Variants in GREM2 observed in about 807,000 individuals in gnomAD.
GREM2 encodes gremlin 2, DAN family BMP antagonist, also known as gremlin-2.
GREM2 carries 11 observed loss-of-function variants against 14.2 expected under a neutral mutation model. That is an observed-to-expected ratio of 0.78 (90% CI 0.49 to 1.28). The LOEUF (loss-of-function observed/expected upper bound fraction) is 1.28. Among genes scored for constraint, GREM2 ranks in the 50% most tolerant of loss-of-function variants. The pLI is 0.00. For synonymous variants in GREM2, 98 were observed against 97.6 expected (o/e 1.00, Z -0.02); for missense variants, 210 against 218.5 (o/e 0.96, Z 0.24).
At chr1:240,581,264 A>C (rs1679478874) in intron 1 of GREM2, among the ~76,000 whole-genome samples, 1 of 151,944 alleles carries the variant, frequency 6.6e-6, no homozygotes, top group Non-Finnish European at 1.5e-5. Context: ...AAAAAAAAAA[A>C]AAGAGCATAA....
At chr1:240,548,370 T>G (rs557760668) in intron 1 of GREM2, among the ~76,000 whole-genome samples, 1 of 152,236 alleles carries the variant, frequency 6.6e-6, no homozygotes, top group African/African-American at 2.4e-5. Flanking sequence ...ATTTTCTTCT[T>G]AAACAACTCC....
Position 240,608,980 on chromosome 1 carries a change from C to T in GREM2, c.-2+2904G>A, listed in dbSNP as rs188152073. Among the ~76,000 whole-genome samples the T allele has an allele frequency of 1.3e-3, 195 of 152,214 alleles. 1 individual carries two copies. Among genetic ancestry groups the T allele is most frequent in the African/African-American group, 4.4e-3 (182 of 41,524 alleles). ...ACAGTACATCAAATGCATTTATTTT[C>T]CCCCCACACCTGTGTGGGATATACC... is the stretch of plus-strand genomic sequence containing the variant. On this transcript the variant is annotated intron_variant, in intron 1 of 1. Transcript: ENST00000318160.
intron 1 of GREM2, among the ~76,000 whole-genome samples, chr1:240,537,219 A>C (rs1034225979): frequency 1.3e-5 from 2 of 152,238 alleles, no homozygotes; most frequent in Admixed American, 1.3e-4. Flanking sequence ...AAATAAACAA[A>C]AGCAAAATAT....
At chr1:240,551,995 A>G (rs1332117787) in intron 1 of GREM2, among the ~76,000 whole-genome samples, 1 of 152,162 alleles carries the variant, frequency 6.6e-6, no homozygotes, top group African/African-American at 2.4e-5. Context: ...GCCCAGGACT[A>G]TGAAGCCAAC....
At chr1:240,536,536 G>A (rs1484682606) in intron 1 of GREM2, among the ~76,000 whole-genome samples, 2 of 152,198 alleles carry the variant, frequency 1.3e-5, no homozygotes, top group East Asian at 3.9e-4. Flanking sequence ...TCCTCGGATG[G>A]GGAAACATGA....
At chr1:240,611,338 C>T (rs1235957632) in intron 1 of GREM2, among the ~76,000 whole-genome samples, 1 of 152,212 alleles carries the variant, frequency 6.6e-6, no homozygotes, top group Non-Finnish European at 1.5e-5. Context: ...TACCTCCCTT[C>T]TCTCTTCTCC....
At chr1:240,535,718 G>A (rs1678456371) in intron 1 of GREM2, among the ~76,000 whole-genome samples, 1 of 149,088 alleles carries the variant, frequency 6.7e-6, no homozygotes. Context: ...AGAATTGCTT[G>A]AACCTGGGAG....
intron 1 of GREM2, among the ~76,000 whole-genome samples, chr1:240,592,618 C>T (rs1002421683): frequency 6.6e-6 from 1 of 152,136 alleles, no homozygotes; most frequent in Non-Finnish European, 1.5e-5. Flanking sequence ...CAACTCTGCA[C>T]GTGATTATGT....
chr1:240,599,201 G>A (rs186382384), intron 1 of GREM2, among the ~76,000 whole-genome samples: 54 of 151,434 alleles, frequency 3.6e-4, no homozygotes, highest in East Asian at 2.5e-3. Flanking sequence ...CCAGGAGGTG[G>A]AGGTTCCAGT....
chr1:240,530,858 C>T (rs1429137566), intron 1 of GREM2: 1 of 152,038 alleles, frequency 6.6e-6, no homozygotes, highest in Non-Finnish European at 1.5e-5. Context: ...TTCACTTTGT[C>T]TAGCAATCAA....
chr1:240,521,330 A>C (rs75874406), intron 1 of GREM2, among the ~76,000 whole-genome samples: 2 of 152,244 alleles, frequency 1.3e-5, no homozygotes, highest in South Asian at 4.1e-4. Flanking sequence ...GCACTTTAGC[A>C]GGCCGAAGTG....
At chr1:240,553,082 T>C (rs1678886935) in intron 1 of GREM2, among the ~76,000 whole-genome samples, 1 of 152,194 alleles carries the variant, frequency 6.6e-6, no homozygotes, top group African/African-American at 2.4e-5. Flanking sequence ...CAGCATGCTT[T>C]GATCAGGGAC....
intron 1 of GREM2, among the ~76,000 whole-genome samples, chr1:240,539,374 A>C (rs985433312): frequency 4.6e-5 from 7 of 152,294 alleles, no homozygotes; most frequent in African/African-American, 1.7e-4. Flanking sequence ...TGAGTGACCC[A>C]TCTAAAATTA....
chr1:240,562,255 TGGCCCCAG>T (rs1679054522), intron 1 of GREM2, among the ~76,000 whole-genome samples: 1 of 152,192 alleles, frequency 6.6e-6, no homozygotes, highest in Non-Finnish European at 1.5e-5. Context: ...TATAAACAGA[TGGCCCCAG>T]GGCTCCTTTC....
chr1:240,494,391 C>A (rs565683096), intron 1 of GREM2, among the ~76,000 whole-genome samples: 23 of 152,280 alleles, frequency 1.5e-4, no homozygotes, highest in African/African-American at 4.3e-4. Flanking sequence ...AACCAGCAGA[C>A]ATGGATGTGA....
chr1:240,535,349 C>A (rs1449044462), intron 1 of GREM2, among the ~76,000 whole-genome samples: 1 of 152,072 alleles, frequency 6.6e-6, no homozygotes, highest in Non-Finnish European at 1.5e-5. Context: ...TGTTCAGGTT[C>A]TCAAAACCAG....
intron 1 of GREM2, among the ~76,000 whole-genome samples, chr1:240,602,997 C>T (rs532189312): frequency 4.6e-5 from 7 of 151,960 alleles, no homozygotes; most frequent in African/African-American, 1.4e-4. Context: ...GGCGTGAACC[C>T]GGGAGGTGGA....
At chr1:240,585,246 A>T (rs954710612) in intron 1 of GREM2, among the ~76,000 whole-genome samples, 10 of 152,094 alleles carry the variant, frequency 6.6e-5, no homozygotes, top group Admixed American at 3.9e-4. Flanking sequence ...CCGAGGGTGC[A>T]GTTTAAAGGA....
intron 1 of GREM2, among the ~76,000 whole-genome samples, chr1:240,544,389 T>C (rs369833057): frequency 1.3e-5 from 2 of 152,106 alleles, no homozygotes; most frequent in Non-Finnish European, 1.5e-5. Flanking sequence ...CCTCATGATC[T>C]GCCCGCCTTG....
Sources: allele counts gnomAD v4.1 joint callset (sites outside exome capture counted in the v4.1 genomes callset), GRCh38; gene constraint gnomAD v4.1.1; transcripts MANE v1.5; gene names NCBI Gene and HGNC (gene_info 2026-07-23, HGNC 2026-07-21).